BMAL2: variants seen among roughly 807,000 people sequenced by gnomAD.
BMAL2 encodes basic helix-loop-helix ARNT-like protein 2.
the BMAL2 span, among the ~76,000 whole-genome samples, chr12:27,353,075 AC>A: frequency 4.6e-5 from 7 of 152,236 alleles, no homozygotes; most frequent in African/African-American, 1.2e-4. Context: ...TTAGAAAAAA[AC>A]GATTCCAAAA....
At chr12:27,354,110 A>G in the BMAL2 span, among the ~76,000 whole-genome samples, 1 of 152,216 alleles carries the variant, frequency 6.6e-6, no homozygotes, top group African/African-American at 2.4e-5. Context: ...AAAAAGACAT[A>G]TGCATTCATA....
the BMAL2 span, among the ~76,000 whole-genome samples, chr12:27,378,618 G>A: frequency 1.8e-4 from 28 of 152,182 alleles, no homozygotes; most frequent in African/African-American, 5.5e-4. Flanking sequence ...GGCAGATCAG[G>A]GAGAACCCTG....
chr12:27,406,050 A>AT, the BMAL2 span, among the ~76,000 whole-genome samples: 1,170 of 152,324 alleles, frequency 7.7e-3, 20 homozygotes, highest in African/African-American at 0.027. Context: ...AGAAAAGAGA[A>AT]TAAAAAGAAA....
the BMAL2 span, among the ~76,000 whole-genome samples, chr12:27,333,805 T>A: frequency 6.6e-6 from 1 of 152,236 alleles, no homozygotes; most frequent in Non-Finnish European, 1.5e-5. Context: ...TCTGTGGTAT[T>A]TTTGTGAATG....
chr12:27,345,647 AC>A, the BMAL2 span, among the ~76,000 whole-genome samples: 1 of 152,066 alleles, frequency 6.6e-6, no homozygotes, highest in East Asian at 1.9e-4. Flanking sequence ...GACGCATGCC[AC>A]CATGCCCAGC....
the BMAL2 span, among the ~76,000 whole-genome samples, chr12:27,402,956 A>C: frequency 1.3e-5 from 2 of 152,190 alleles, no homozygotes; most frequent in African/African-American, 4.8e-5. Context: ...TACTGCAATT[A>C]GTTGTTCATT....
At chr12:27,360,891 T>G in the BMAL2 span, among the ~76,000 whole-genome samples, 2 of 149,348 alleles carry the variant, frequency 1.3e-5, no homozygotes, top group East Asian at 2.0e-4. Flanking sequence ...CTCTCAGAAG[T>G]TAAGAATTAA....
the BMAL2 span, among the ~76,000 whole-genome samples, chr12:27,351,345 A>G: frequency 6.6e-6 from 1 of 152,208 alleles, no homozygotes; most frequent in Non-Finnish European, 1.5e-5. Flanking sequence ...GAAAAGGTAA[A>G]TTAAGAAAAA....
chr12:27,376,174 G>T, the BMAL2 span, among the ~76,000 whole-genome samples: 2 of 152,220 alleles, frequency 1.3e-5, no homozygotes, highest in African/African-American at 4.8e-5. Flanking sequence ...AATGGTTCAT[G>T]TAGACAGTAA....
the BMAL2 span, among the ~76,000 whole-genome samples, chr12:27,357,484 C>A: frequency 6.6e-6 from 1 of 152,100 alleles, no homozygotes; most frequent in East Asian, 1.9e-4. Flanking sequence ...CAGAATACTA[C>A]CATCATTCTT....
At chr12:27,400,422 T>TA in the BMAL2 span, 1 of 903,246 alleles carries the variant, frequency 1.1e-6, no homozygotes, top group Non-Finnish European at 1.6e-6. Context: ...TATTTTAGCA[T>TA]ATTTAAAGAG....
chr12:27,405,113 G>T, the BMAL2 span, among the ~76,000 whole-genome samples: 1 of 152,202 alleles, frequency 6.6e-6, no homozygotes, highest in Non-Finnish European at 1.5e-5. Context: ...GCTCGAACTG[G>T]TTGGAGCCCA....
chr12:27,420,662 A>G, the BMAL2 span: 1 of 1,094,742 alleles, frequency 9.1e-7, no homozygotes. Context: ...CACTTTTTAT[A>G]GATTTGCATC....
chr12:27,353,375 A>T, the BMAL2 span, among the ~76,000 whole-genome samples: 1 of 152,186 alleles, frequency 6.6e-6, no homozygotes, highest in African/African-American at 2.4e-5. Flanking sequence ...GCTAGCCATA[A>T]GCAGAAGATT....
chr12:27,374,561 AT>A, the BMAL2 span, among the ~76,000 whole-genome samples: 1 of 152,222 alleles, frequency 6.6e-6, no homozygotes, highest in African/African-American at 2.4e-5. Context: ...GAAGAAAATT[AT>A]TCATCTGTAT....
chr12:27,370,218 C>T, the BMAL2 span: 1 of 1,613,204 alleles, frequency 6.2e-7, no homozygotes, highest in Non-Finnish European at 8.5e-7. Flanking sequence ...ATATCAGCCT[C>T]CAGTGGCAGC....
At chr12:27,405,328 C>CCTAA in the BMAL2 span, among the ~76,000 whole-genome samples, 26 of 152,326 alleles carry the variant, frequency 1.7e-4, no homozygotes, top group East Asian at 5.0e-3. Flanking sequence ...CCCTGAGTAG[C>CCTAA]CTAACTGGGA....
chr12:27,399,543 G>C, the BMAL2 span, among the ~76,000 whole-genome samples: 1 of 152,206 alleles, frequency 6.6e-6, no homozygotes, highest in Middle Eastern at 3.2e-3. Context: ...ACTTTAAACA[G>C]ACTGTGACAC....
At chr12:27,390,264 T>C in the BMAL2 span, 4 of 1,607,284 alleles carry the variant, frequency 2.5e-6, no homozygotes, top group Non-Finnish European at 3.4e-6. Flanking sequence ...TGTCAAGTGA[T>C]GCAAAGCATG....
Sources: allele counts gnomAD v4.1 joint callset (sites outside exome capture counted in the v4.1 genomes callset), GRCh38; gene constraint gnomAD v4.1.1; transcripts MANE v1.5; gene names NCBI Gene and HGNC (gene_info 2026-07-23, HGNC 2026-07-21).